NDUFS7: variants seen among roughly 807,000 people sequenced by gnomAD.
NDUFS7 encodes NADH:ubiquinone oxidoreductase core subunit S7.
In NDUFS7, 11 loss-of-function variants were observed where a neutral mutation model predicts 31.1. That is an observed-to-expected ratio of 0.35 (90% confidence interval 0.22 to 0.59). NDUFS7 has a LOEUF of 0.59. Among genes scored for constraint, NDUFS7 ranks in the 20% least tolerant of loss-of-function variants. The pLI, the probability that NDUFS7 is intolerant of heterozygous loss-of-function variation, is 0.79. For synonymous variants in NDUFS7, 136 were observed against 127.9 expected (o/e 1.06, Z -0.43); for missense variants, 263 against 324.2 (o/e 0.81, Z 1.45).
At position 1,393,745 on chromosome 19, in the gene NDUFS7, T is replaced by A; in HGVS notation, c.544+415T>A. ...ACCCGGGGTGGCCGGATTTGGCAAA[T>A]GAAAACGTGGGAGGCTTAGTTTGAC... On this transcript the variant is annotated intron_variant, in intron 7 of 7. Coordinates refer to ENST00000233627, the MANE Select transcript of NDUFS7 (RefSeq NM_024407.5). This position sits in a 1 kb window ranked among gnomAD's most constrained non-coding sequence, Gnocchi z 7.3. The A allele has an allele frequency of 2.0e-6, 1 of 503,274 alleles. No individual in the cohort carries two copies. Among genetic ancestry groups the A allele is most frequent in the East Asian group, 3.4e-5 (1 of 29,148 alleles). The allele number at this position is 503,274 out of a possible 1,614,324, so 31.2% of individuals were successfully genotyped here.
At chr19:1,389,323 A>G (rs914579538) in intron 4 of NDUFS7, 3 of 459,982 alleles carry the variant, frequency 6.5e-6, no homozygotes, top group Non-Finnish European at 1.3e-5. Flanking sequence ...ACACACATGC[A>G]CACTCACACA....
chr19:1,389,815 C>T (rs2082542179), intron 4 of NDUFS7: 1 of 323,504 alleles, frequency 3.1e-6, no homozygotes, highest in East Asian at 8.4e-5. Flanking sequence ...GTTTCCTAAA[C>T]AATGCCACGG....
chr19:1,387,912 GGGGGGGGT>G (rs2082519145), intron 2 of NDUFS7, 65 bp downstream of exon 2: 3 of 404,528 alleles, frequency 7.4e-6, no homozygotes, highest in East Asian at 7.3e-5. Context: ...CGAACGGGGC[GGGGGGGGT>G]GGGGGGTGGG....
chr19:1,392,030 G>A (rs1398548744), intron 6 of NDUFS7: 1 of 151,846 alleles, frequency 6.6e-6, no homozygotes, highest in Non-Finnish European at 1.5e-5. Context: ...TGTATTTTTA[G>A]TAAAGAAGAG....
chr19:1,395,117 G>A, intron 7 of NDUFS7: 1 of 1,362,124 alleles, frequency 7.3e-7, no homozygotes, highest in Non-Finnish European at 9.5e-7. Flanking sequence ...GGGTTAGTGA[G>A]GTCAGCGTCT....
rs938660371 is a variant in NDUFS7 at position 1,389,209 on chromosome 19, GCACACATA to G, written c.228+279_228+286del. On this transcript the variant is annotated intron_variant, in intron 4 of 7. Transcript: ENST00000233627. ...CACAAGCACATGTGCACACACGCTT[GCACACATA>G]CACACATGCACACTTGCACTCATGC... 1.3e-4 allele frequency: 86 copies of G among 682,654 alleles called. 1 individual carries two copies. The highest frequency in any genetic ancestry group is 9.0e-4 in the African/African-American group (51 of 56,814). The allele number at this position is 682,654 out of a possible 1,614,324, so 42.3% of individuals were successfully genotyped here. A position where few individuals can be genotyped will look rare whatever the true frequency, so the allele number is the denominator to read the frequency against.
chr19:1,390,587 C>G, intron 4 of NDUFS7: 2 of 559,658 alleles, frequency 3.6e-6, no homozygotes, highest in Non-Finnish European at 3.2e-6. Context: ...CTGGAGCCCC[C>G]TGTTGAAATG....
intron 7 of NDUFS7, chr19:1,394,403 C>A (rs2082578136): frequency 2.3e-6 from 3 of 1,289,290 alleles, no homozygotes; most frequent in Non-Finnish European, 3.0e-6. Context: ...GGACTGTACT[C>A]CTCCCTCCTT....
intron 1 of NDUFS7, 74 bp from the exon 2 acceptor site, chr19:1,387,737 T>G: frequency 2.9e-6 from 4 of 1,389,576 alleles, no homozygotes; most frequent in Non-Finnish European, 4.1e-6. Flanking sequence ...AGGAGCCTGA[T>G]GGGGAAGCGC....
chr19:1,389,273 GCACACTCGCA>G (rs776707385), intron 4 of NDUFS7: 4 of 605,542 alleles, frequency 6.6e-6, no homozygotes, highest in African/African-American at 3.6e-5. Flanking sequence ...ACATGCACAC[GCACACTCGCA>G]CACACGTGCA....
intron 7 of NDUFS7, chr19:1,394,369 A>G: frequency 7.8e-7 from 1 of 1,289,138 alleles, no homozygotes; most frequent in South Asian, 1.2e-5. Context: ...TGCAGTGCAG[A>G]CCAATGGGGC....
intron 4 of NDUFS7, 127 bp downstream of exon 4, chr19:1,389,065 G>A (rs7258846): frequency 2.2e-5 from 18 of 812,174 alleles, no homozygotes; most frequent in South Asian, 7.2e-5. Context: ...ACTCACATGC[G>A]CACATGTGCA....
At position 1,393,123 on chromosome 19, in the gene NDUFS7, C is replaced by G. The variant is rs1376292039; in HGVS notation, c.456-119C>G. 6.4e-6 allele frequency: 5 copies of G among 781,374 alleles called. No homozygotes were observed. Among genetic ancestry groups the G allele is most frequent in the Non-Finnish European group, 8.6e-6 (4 of 465,712 alleles). 48.4% of individuals were successfully genotyped at this position (781,374 alleles called of 1,614,324 possible). A position where few individuals can be genotyped will look rare whatever the true frequency, so the allele number is the denominator to read the frequency against. On this transcript the variant is annotated intron_variant, in intron 6 of 7. Coordinates refer to ENST00000233627, the MANE Select transcript of NDUFS7 (RefSeq NM_024407.5). This position sits in a 1 kb window ranked among gnomAD's most constrained non-coding sequence, Gnocchi z 7.3. ...GCTCATTGCTTCTCCGTGACAAGTTCCAGCCTCGTAGGTGCCTGGCCTGCA... is the reference window on the plus strand; with the variant it reads ...GCTCATTGCTTCTCCGTGACAAGTTGCAGCCTCGTAGGTGCCTGGCCTGCA...
At chr19:1,386,589 C>G (rs941437680) in intron 1 of NDUFS7, 1 of 152,216 alleles carries the variant, frequency 6.6e-6, no homozygotes, top group Non-Finnish European at 1.5e-5. Context: ...CTCTACCTCC[C>G]GGGTTCAAGT....
At chr19:1,388,097 C>T in intron 2 of NDUFS7, 1 of 610,308 alleles carries the variant, frequency 1.6e-6, no homozygotes, top group Non-Finnish European at 2.9e-6. Context: ...GCCGTCAGAG[C>T]TCACCGCCAC....
In NDUFS7 at chr19:1,393,684, C is replaced by T. The variant is rs1430140756; in HGVS notation, c.544+354C>T. 4 of 580,640 alleles carry T rather than the reference C, an allele frequency of 6.9e-6. No individual in the cohort carries two copies. The East Asian group carries it at 1.1e-4, about 17-fold the overall frequency. 36.0% of individuals were successfully genotyped at this position (580,640 alleles called of 1,614,324 possible). ...GGGGCCAAGGACACTGTCCCGCGCCCTCAGCCTTACAGAAGGGCACGCAGG... is the reference window on the plus strand; with the variant it reads ...GGGGCCAAGGACACTGTCCCGCGCCTTCAGCCTTACAGAAGGGCACGCAGG... On this transcript the variant is annotated intron_variant, in intron 7 of 7. Transcript: ENST00000233627. This position sits in a 1 kb window ranked among gnomAD's most constrained non-coding sequence, Gnocchi z 7.3.
intron 6 of NDUFS7, chr19:1,392,181 C>T (rs1373602552): frequency 6.6e-6 from 1 of 152,082 alleles, no homozygotes; most frequent in Non-Finnish European, 1.5e-5. Context: ...GAGACAGAGT[C>T]TCACTGAGTT....
chr19:1,388,494 A>G (rs1364159392), intron 2 of NDUFS7, 31 bp from the exon 3 acceptor site: 1 of 1,605,848 alleles, frequency 6.2e-7, no homozygotes, highest in South Asian at 1.1e-5. Context: ...GGCCTGGGAC[A>G]GCCACTGACC....
At position 1,395,442 on chromosome 19, in the gene NDUFS7, G is replaced by A. The variant is rs1395660256; in HGVS notation, c.596G>A (p.Arg199Lys). The change falls in exon 8 of 8, where the codon AGG (arginine) becomes AAG (lysine). Residue 199 changes from arginine to lysine, a missense_variant. By Grantham distance (26) the Arg-to-Lys change is conservative. Transcript: ENST00000233627. ...CTCTACGGCATCCTGCAGCTGCAGA[G>A]GAAGATCAAGCGGGAGCGGAGGCTG... The part of the protein sequence containing the change: ...ALLYGILQLQ[R>K]KIKRERRLQI... 1.2e-6 allele frequency: 2 copies of A among 1,601,044 alleles called. No individual in the cohort carries two copies. The highest frequency in any genetic ancestry group is 1.7e-6 in the Non-Finnish European group (2 of 1,175,678).
Sources: allele counts gnomAD v4.1 joint callset, GRCh38; gene constraint gnomAD v4.1.1; non-coding constraint Gnocchi (gnomAD v3.1); transcripts MANE v1.5; gene names NCBI Gene and HGNC (gene_info 2026-07-23, HGNC 2026-07-21).